GPM6A: variants seen among roughly 807,000 people sequenced by gnomAD.
GPM6A encodes glycoprotein M6A.
In GPM6A, 7 loss-of-function variants were observed where a neutral mutation model predicts 32.1. That is an observed-to-expected ratio of 0.22 (90% confidence interval 0.12 to 0.41). GPM6A has a LOEUF of 0.41. Among genes scored for constraint, GPM6A ranks in the 10% least tolerant of loss-of-function variants. The pLI is 1.00. For synonymous variants in GPM6A, 130 were observed against 123.4 expected (o/e 1.05, Z -0.35); for missense variants, 235 against 347.2 (o/e 0.68, Z 2.57).
intron 1 of GPM6A, among the ~76,000 whole-genome samples, chr4:175,938,765 C>T (rs1739320373): frequency 6.7e-6 from 1 of 149,536 alleles, no homozygotes. Flanking sequence ...GACAAATACT[C>T]AAGGTGATAG....
intron 1 of GPM6A, among the ~76,000 whole-genome samples, chr4:175,834,137 C>T (rs776132646): frequency 1.2e-4 from 15 of 129,246 alleles, no homozygotes; most frequent in Admixed American, 6.5e-4. Flanking sequence ...AGATGTGTTA[C>T]GATTTACTCA....
intron 1 of GPM6A, among the ~76,000 whole-genome samples, chr4:175,709,538 G>A (rs917329984): frequency 6.6e-6 from 1 of 151,854 alleles, no homozygotes; most frequent in Non-Finnish European, 1.5e-5. Context: ...GACCAGCCTG[G>A]CCAACATGGT....
intron 1 of GPM6A, among the ~76,000 whole-genome samples, chr4:175,922,556 C>G (rs1738702895): frequency 1.3e-5 from 2 of 152,062 alleles, no homozygotes; most frequent in Admixed American, 1.3e-4. Context: ...AAACTCACAC[C>G]AAAAAGAAGA....
At chr4:175,695,545 G>GCCCCTT (rs920111748) in intron 2 of GPM6A, among the ~76,000 whole-genome samples, 1 of 152,176 alleles carries the variant, frequency 6.6e-6, no homozygotes, top group African/African-American at 2.4e-5. Context: ...GGGGCTTATA[G>GCCCCTT]CCCCTTTCTT....
chr4:175,791,733 G>C (rs1734021426), intron 1 of GPM6A, among the ~76,000 whole-genome samples: 1 of 152,042 alleles, frequency 6.6e-6, no homozygotes, highest in African/African-American at 2.4e-5. Context: ...TTACAAAATA[G>C]AGACATTCAT....
At chr4:175,963,991 C>T (rs1278679025) in intron 1 of GPM6A, among the ~76,000 whole-genome samples, 1 of 150,816 alleles carries the variant, frequency 6.6e-6, no homozygotes, top group Non-Finnish European at 1.5e-5. Flanking sequence ...ATGGCAACCA[C>T]TCAGAAAAAG....
intron 2 of GPM6A, among the ~76,000 whole-genome samples, chr4:175,679,751 A>G (rs920972750): frequency 1.3e-5 from 2 of 152,136 alleles, no homozygotes; most frequent in African/African-American, 4.8e-5. Flanking sequence ...CTCAAGGTTT[A>G]AATGCCATTA....
At chr4:175,678,664 G>A (rs1422677230) in intron 2 of GPM6A, among the ~76,000 whole-genome samples, 4 of 152,148 alleles carry the variant, frequency 2.6e-5, no homozygotes, top group African/African-American at 4.8e-5. Context: ...CAAAGGCAAT[G>A]AGGCAGATGA....
rs2111206715 is a variant in GPM6A, at chr4:175,759,983, C to A, written c.37+52208G>T. On this transcript the variant is annotated intron_variant, in intron 1 of 6. Coordinates refer to ENST00000393658, the MANE Select transcript of GPM6A (RefSeq NM_201591.3). ...TCACCTGAGGTCAGGATTTAGAGAC[C>A]AGCCTGGCCAACATGGTGAAATCCA... Among the ~76,000 whole-genome samples the A allele has an allele frequency of 2.0e-5, 3 of 152,100 alleles. No individual in the cohort carries two copies. The South Asian group carries it at 6.2e-4, about 32-fold the overall frequency.
intron 1 of GPM6A, chr4:175,787,375 T>C: frequency 6.5e-7 from 1 of 1,535,266 alleles, no homozygotes; most frequent in Non-Finnish European, 8.7e-7. Flanking sequence ...TGCCGGCCGC[T>C]GGCTCCTTGT....
chr4:175,971,538 T>C (rs1361269392), intron 1 of GPM6A, among the ~76,000 whole-genome samples: 1 of 152,072 alleles, frequency 6.6e-6, no homozygotes, highest in Non-Finnish European at 1.5e-5. Context: ...ATTAGCCCCC[T>C]CCCTCTCCTT....
intron 1 of GPM6A, among the ~76,000 whole-genome samples, chr4:175,954,320 C>T (rs1173210119): frequency 6.6e-6 from 1 of 152,172 alleles, no homozygotes; most frequent in Non-Finnish European, 1.5e-5. Context: ...TTCTACTGGA[C>T]AGCACAGCTC....
At chr4:175,683,989 A>G (rs1488426101) in intron 2 of GPM6A, among the ~76,000 whole-genome samples, 1 of 151,802 alleles carries the variant, frequency 6.6e-6, no homozygotes, top group African/African-American at 2.4e-5. Flanking sequence ...GCACCACCAC[A>G]CTAGCTAATT....
chr4:175,930,178 A>G (rs985967813), intron 1 of GPM6A, among the ~76,000 whole-genome samples: 1 of 152,154 alleles, frequency 6.6e-6, no homozygotes, highest in African/African-American at 2.4e-5. Context: ...AGTCGCTCTC[A>G]AACAAGGCAT....
At chr4:175,761,417 C>T (rs1476899221) in intron 1 of GPM6A, among the ~76,000 whole-genome samples, 3 of 152,130 alleles carry the variant, frequency 2.0e-5, no homozygotes, top group African/African-American at 7.2e-5. Context: ...AATCGCTACA[C>T]TGCTGCATAC....
chr4:175,773,064 C>T (rs1029675699), intron 1 of GPM6A, among the ~76,000 whole-genome samples: 3 of 152,194 alleles, frequency 2.0e-5, no homozygotes, highest in Non-Finnish European at 2.9e-5. Flanking sequence ...TGAAAAACCT[C>T]ATCCAATGAT....
chr4:175,799,563 T>G (rs1734378420), intron 1 of GPM6A, among the ~76,000 whole-genome samples: 1 of 152,156 alleles, frequency 6.6e-6, no homozygotes, highest in Admixed American at 6.6e-5. Flanking sequence ...TATTGCTATT[T>G]TTATGTACAA....
intron 1 of GPM6A, among the ~76,000 whole-genome samples, chr4:175,888,917 T>C (rs996610073): frequency 1.3e-5 from 2 of 152,082 alleles, no homozygotes; most frequent in African/African-American, 2.4e-5. Flanking sequence ...AAAAGTACAA[T>C]TGAATATTAT....
intron 1 of GPM6A, among the ~76,000 whole-genome samples, chr4:175,708,605 T>A (rs1745347481): frequency 6.6e-6 from 1 of 152,034 alleles, no homozygotes; most frequent in Non-Finnish European, 1.5e-5. Context: ...CTGGCTGGTC[T>A]CGAACTCCTG....
Sources: allele counts gnomAD v4.1 joint callset (sites outside exome capture counted in the v4.1 genomes callset), GRCh38; gene constraint gnomAD v4.1.1; transcripts MANE v1.5; gene names NCBI Gene and HGNC (gene_info 2026-07-23, HGNC 2026-07-21).